TRAF3IP1: variants seen among roughly 807,000 people sequenced by gnomAD.
TRAF3IP1 encodes intraflagellar transport 54.
In TRAF3IP1, 53 loss-of-function variants were observed where a neutral mutation model predicts 89.9. The observed-to-expected ratio is 0.59, with a 90% CI of 0.47 to 0.74. TRAF3IP1 has a LOEUF of 0.74. TRAF3IP1 is among the 30% of genes least tolerant of loss of function. The pLI is 0.00. For missense variants in TRAF3IP1, 806 were observed against 866.1 expected (o/e 0.93, Z 0.87); for synonymous variants, 311 against 322.1 (o/e 0.97, Z 0.37).
At position 238,328,957 on chromosome 2, in the gene TRAF3IP1, G is replaced by C; in HGVS notation, c.530G>C (p.Ser177Thr). The C allele has an allele frequency of 6.4e-7, 1 of 1,557,778 alleles. No individual in the cohort carries two copies. Among genetic ancestry groups the C allele is most frequent in the African/African-American group, 1.4e-5 (1 of 72,480 alleles). ...DRGDAEIKER[S>T]TSRDRKQKEE... ...GGAGACGCTGAAATAAAAGAGAGAA[G>C]TACAAGCAGAGATCGAAAACAGAAG... The change falls in exon 5 of 17, where the codon AGT becomes ACT. Residue 177 changes from serine (S) to threonine (T), a missense_variant. Ser to Thr is a moderately conservative substitution (Grantham distance 58). This residue lies in a region of TRAF3IP1 where 732 missense variants were observed against 780.5 expected (regional missense o/e 0.94). Coordinates refer to ENST00000373327, the MANE Select transcript of TRAF3IP1 (RefSeq NM_015650.4).
intron 15 of TRAF3IP1, among the ~76,000 whole-genome samples, chr2:238,388,757 T>C (rs1700880930): frequency 6.6e-6 from 1 of 151,844 alleles, no homozygotes; most frequent in Non-Finnish European, 1.5e-5. Context: ...TCTTCCCACC[T>C]CAGCCTCCTA....
chr2:238,323,097 T>TTA (rs1559351411), intron 1 of TRAF3IP1, among the ~76,000 whole-genome samples: 1 of 151,294 alleles, frequency 6.6e-6, no homozygotes, highest in South Asian at 2.1e-4. Flanking sequence ...TTTTTTTTTT[T>TTA]AGAGGGATTC....
rs144150135 is a variant in TRAF3IP1 at position 238,368,297 on chromosome 2, G to A, written c.1689+12217G>A. On this transcript the variant is annotated intron_variant, in intron 15 of 16. Coordinates refer to ENST00000373327, the MANE Select transcript of TRAF3IP1 (RefSeq NM_015650.4). ...TTTTCTCCAGGGTATGGATTATAGG[G>A]GATATTTTAGAGTAAAGAAACACTA... Among the ~76,000 whole-genome samples the A allele has an allele frequency of 2.7e-3, 412 of 152,196 alleles. 1 individual carries two copies. The highest frequency in any genetic ancestry group is 4.7e-3 in the Non-Finnish European group (319 of 68,002).
chr2:238,390,807 T>C (rs1700964031), intron 15 of TRAF3IP1, among the ~76,000 whole-genome samples: 1 of 152,106 alleles, frequency 6.6e-6, no homozygotes, highest in South Asian at 2.1e-4. Flanking sequence ...TCCAAGGTCA[T>C]AAAGTTAGGA....
intron 15 of TRAF3IP1, among the ~76,000 whole-genome samples, chr2:238,361,463 A>G (rs1018042817): frequency 6.6e-6 from 1 of 152,004 alleles, no homozygotes; most frequent in Non-Finnish European, 1.5e-5. Context: ...AAGCTGTCCT[A>G]TCCTGGTTGT....
chr2:238,373,927 C>T (rs1020596422), intron 15 of TRAF3IP1, among the ~76,000 whole-genome samples: 1 of 151,960 alleles, frequency 6.6e-6, no homozygotes, highest in Non-Finnish European at 1.5e-5. Context: ...TGATTTGGCT[C>T]TCTGTCTGTT....
intron 15 of TRAF3IP1, among the ~76,000 whole-genome samples, chr2:238,360,346 G>T (rs889417791): frequency 2.0e-5 from 3 of 152,188 alleles, no homozygotes; most frequent in African/African-American, 7.2e-5. Context: ...AGACCATAGG[G>T]CTGGGTGCTA....
At chr2:238,398,633 A>G in intron 16 of TRAF3IP1, 121 bp from the exon 17 acceptor site, 1 of 1,172,174 alleles carries the variant, frequency 8.5e-7, no homozygotes, top group Non-Finnish European at 1.2e-6. Context: ...AGAAATAAAT[A>G]TTATCCTTTT....
At chr2:238,375,857 C>T (rs1700293573) in intron 15 of TRAF3IP1, among the ~76,000 whole-genome samples, 1 of 152,184 alleles carries the variant, frequency 6.6e-6, no homozygotes, top group African/African-American at 2.4e-5. Context: ...CATGTACATG[C>T]TTAATCCACC....
At chr2:238,355,777 A>G (rs1340421844) in intron 14 of TRAF3IP1, among the ~76,000 whole-genome samples, 1 of 152,212 alleles carries the variant, frequency 6.6e-6, no homozygotes, top group East Asian at 1.9e-4. Flanking sequence ...TTTACTTTTC[A>G]AGGAGCTGAT....
At chr2:238,367,176 A>AAAAAAAG (rs1159326380) in intron 15 of TRAF3IP1, among the ~76,000 whole-genome samples, 3 of 150,296 alleles carry the variant, frequency 2.0e-5, no homozygotes, top group African/African-American at 4.9e-5. Context: ...AAAAAAAAAA[A>AAAAAAAG]AAAAAAAAAA....
intron 8 of TRAF3IP1, among the ~76,000 whole-genome samples, chr2:238,339,566 C>G (rs536868231): frequency 6.6e-6 from 1 of 152,372 alleles, no homozygotes; most frequent in Admixed American, 6.5e-5. Flanking sequence ...TAGCTAGGAC[C>G]TCATCTCTGA....
rs1354450730 is a variant in TRAF3IP1 at position 238,320,716 on chromosome 2, G to A, written c.54G>A (p.Arg18=). 1 of 1,448,532 alleles carries A rather than the reference G, an allele frequency of 6.9e-7. No homozygotes were observed. 89.7% of individuals were successfully genotyped at this position (1,448,532 alleles called of 1,614,324 possible). ...AGGAGGCGCTGGGGAAAGTGATTCG[G>A]AGGCCGCCGCTGACCGAGAAGCTGC... ...RTQEALGKVI[R]RPPLTEKLLS... is the part of the protein sequence containing the mutation. Residue 18 remains arginine, a synonymous_variant, in exon 1 of 17, where the codon CGG becomes CGA. Transcript: ENST00000373327.
In TRAF3IP1 at chr2:238,351,322, A is replaced by G. The variant is rs1699141017; in HGVS notation, c.1452-1505A>G. On this transcript the variant is annotated intron_variant, in intron 12 of 16. Coordinates refer to ENST00000373327, the MANE Select transcript of TRAF3IP1 (RefSeq NM_015650.4). The surrounding 1 kb of genome is among the most constrained non-coding windows in gnomAD (Gnocchi z 5.2). ...GGACTGGGTGGGACCATGGGTTGGC[A>G]GCTGATGGCAGCAATGATGGGGTCG... is the stretch of plus-strand genomic sequence containing the variant. Among the ~76,000 whole-genome samples, 1 of 151,372 alleles carries G rather than the reference A, an allele frequency of 6.6e-6. No homozygotes were observed. Among genetic ancestry groups the G allele is most frequent in the African/African-American group, 2.4e-5 (1 of 41,104 alleles).
intron 3 of TRAF3IP1, among the ~76,000 whole-genome samples, chr2:238,327,994 G>T (rs1697921901): frequency 6.6e-6 from 1 of 152,240 alleles, no homozygotes; most frequent in Non-Finnish European, 1.5e-5. Flanking sequence ...AACTGTCAAT[G>T]GTACAGTTTG....
chr2:238,371,914 G>T (rs1700127525), intron 15 of TRAF3IP1, among the ~76,000 whole-genome samples: 1 of 152,100 alleles, frequency 6.6e-6, no homozygotes, highest in Admixed American at 6.5e-5. Context: ...GGCAGCATTG[G>T]TATAGGTGAA....
chr2:238,343,211 G>A (rs897233598), intron 8 of TRAF3IP1, among the ~76,000 whole-genome samples: 2 of 151,664 alleles, frequency 1.3e-5, no homozygotes, highest in African/African-American at 4.8e-5. Context: ...TTAGCCTCCC[G>A]AGTGGCTGGG....
In TRAF3IP1 at chr2:238,351,391, C is replaced by G. The variant is rs1343652577; in HGVS notation, c.1452-1436C>G. On this transcript the variant is annotated intron_variant, in intron 12 of 16. Coordinates refer to ENST00000373327, the MANE Select transcript of TRAF3IP1 (RefSeq NM_015650.4). The surrounding 1 kb of genome is among the most constrained non-coding windows in gnomAD (Gnocchi z 5.2). ...GTTGGCAGTTTTTAGGGAGAGTGAT[C>G]TGGAAGCCGAAGCAAGCATAAGGAA... is the stretch of plus-strand genomic sequence containing the variant. 6.6e-6 allele frequency among the ~76,000 whole-genome samples: 1 copy of G among 151,734 alleles called. No individual in the cohort carries two copies. Among genetic ancestry groups the G allele is most frequent in the Non-Finnish European group, 1.5e-5 (1 of 67,964 alleles).
intron 15 of TRAF3IP1, among the ~76,000 whole-genome samples, chr2:238,365,311 G>A (rs1415167078): frequency 1.3e-5 from 2 of 152,192 alleles, no homozygotes; most frequent in Non-Finnish European, 1.5e-5. Flanking sequence ...TTTGGTCCTA[G>A]TATTATTGGA....
Sources: allele counts gnomAD v4.1 joint callset (sites outside exome capture counted in the v4.1 genomes callset), GRCh38; gene constraint gnomAD v4.1.1; regional missense constraint gnomAD v4.1.1; non-coding constraint Gnocchi (gnomAD v3.1); transcripts MANE v1.5; gene names NCBI Gene and HGNC (gene_info 2026-07-23, HGNC 2026-07-21).